NELL2: variants seen among roughly 807,000 people sequenced by gnomAD.
The protein encoded by NELL2 is neural EGFL like 2, also known as protein kinase C-binding protein NELL2.
Under a neutral mutation model 109.6 loss-of-function variants are expected in NELL2, and 41 were observed. The ratio of observed to expected loss-of-function variants is 0.37; its 90% CI spans 0.29 to 0.49. The LOEUF is 0.49. Ranked by LOEUF, NELL2 falls within the 20% of genes least tolerant of loss-of-function variation. NELL2 has a pLI of 0.98. For synonymous variants in NELL2, 355 were observed against 344.7 expected, an observed-to-expected ratio of 1.03 and a Z score of -0.33; for missense variants, 900 against 1,008.3, an observed-to-expected ratio of 0.89 and a Z score of 1.45.
intron 12 of NELL2, 51 bp downstream of exon 12, chr12:44,703,675 G>A (rs752635258): frequency 1.2e-6 from 2 of 1,602,278 alleles, no homozygotes; most frequent in Non-Finnish European, 1.7e-6. Flanking sequence ...TTTGCATGCA[G>A]TAATCCTAGA....
intron 16 of NELL2, among the ~76,000 whole-genome samples, chr12:44,526,462 A>G (rs1941777920): frequency 6.6e-6 from 1 of 152,230 alleles, no homozygotes; most frequent in Admixed American, 6.5e-5. Context: ...AAAATGACAC[A>G]GCCACACAGC....
At chr12:44,864,378 A>G (rs1025490649) in intron 2 of NELL2, among the ~76,000 whole-genome samples, 1 of 152,186 alleles carries the variant, frequency 6.6e-6, no homozygotes, top group African/African-American at 2.4e-5. Context: ...AGGAATAAAA[A>G]AAAATTCCAT....
intron 13 of NELL2, among the ~76,000 whole-genome samples, chr12:44,630,826 G>C (rs1259470256): frequency 6.6e-6 from 1 of 152,082 alleles, no homozygotes; most frequent in African/African-American, 2.4e-5. Context: ...TTTGAGTGCT[G>C]TTAGATGGAA....
intron 2 of NELL2, chr12:44,874,925 A>T: frequency 1.2e-5 from 3 of 257,186 alleles, no homozygotes; most frequent in Non-Finnish European, 2.2e-5. Context: ...CGTTTGTGTT[A>T]TAATTCATTG....
At position 44,517,371 on chromosome 12, in the gene NELL2, T is replaced by TTCTC. The variant is rs71093810; in HGVS notation, c.2400+2630_2400+2633dup. ...GTCTGGTACCTACCCACCAACTACT[T>TTCTC]TCTCTCTCTCTCTCTCTCTCTCTCT... On this transcript the variant is annotated intron_variant, in intron 19 of 19. Transcript: ENST00000429094. Among the ~76,000 whole-genome samples the TTCTC allele has an allele frequency of 1.1e-3, 110 of 102,492 alleles. 2 individuals carry two copies. The highest frequency in any genetic ancestry group is 1.6e-3 in the East Asian group (5 of 3,132). 67.2% of individuals were successfully genotyped at this position (102,492 alleles called of 152,430 possible). A position where few individuals can be genotyped will look rare whatever the true frequency, so the allele number is the denominator to read the frequency against.
chr12:44,521,309 T>A (rs1423378698), intron 18 of NELL2, among the ~76,000 whole-genome samples: 2 of 152,162 alleles, frequency 1.3e-5, no homozygotes, highest in East Asian at 3.9e-4. Context: ...GGCGGGCGGA[T>A]CACGAGGTCA....
chr12:44,791,090 T>C lies in NELL2; in HGVS notation c.336-11068A>G, dbSNP rs7966126. Reference sequence around the variant, plus strand: ...GTATATATATATATATACATATATATATATATGTATATATATATGTATATA... The same window carrying C: ...GTATATATATATATATACATATATACATATATGTATATATATATGTATATA... On this transcript the variant is annotated intron_variant, in intron 3 of 19. Coordinates refer to ENST00000429094, the MANE Select transcript of NELL2 (RefSeq NM_001145108.2). Among the ~76,000 whole-genome samples the C allele has an allele frequency of 9.2e-3, 109 of 11,842 alleles. 1 individual carries two copies. Among genetic ancestry groups the C allele is most frequent in the East Asian group, 0.041 (6 of 148 alleles). The allele number at this position is 11,842 out of a possible 152,430, so 7.8% of individuals were successfully genotyped here.
In NELL2 at chr12:44,779,443, T is replaced by C. The variant is rs141809545; in HGVS notation, c.606+220A>G. Among the ~76,000 whole-genome samples, 14 of 152,322 alleles carry C rather than the reference T, an allele frequency of 9.2e-5. No homozygotes were observed. The East Asian group carries it at 2.7e-3, about 29-fold the overall frequency. On this transcript the variant is annotated intron_variant, in intron 5 of 19. Coordinates refer to ENST00000429094, the MANE Select transcript of NELL2 (RefSeq NM_001145108.2). ...GTTAACTGCCCTGATTGCAGCCTTG[T>C]GATCATTTCTGTAATATCTAACAAT...
At chr12:44,648,943 T>TGTGTGTGTGTGTG (rs1292852759) in intron 13 of NELL2, among the ~76,000 whole-genome samples, 179 of 147,632 alleles carry the variant, frequency 1.2e-3, no homozygotes, top group South Asian at 3.2e-3. Flanking sequence ...TGTGTGTGTG[T>TGTGTGTGTGTGTG]TTAGTAGAGA....
chr12:44,878,789 C>T (rs1004137528), upstream of NELL2, among the ~76,000 whole-genome samples: 1 of 152,182 alleles, frequency 6.6e-6, no homozygotes, highest in African/African-American at 2.4e-5. Context: ...TCTACATACA[C>T]TCAAACTCCT....
intron 15 of NELL2, among the ~76,000 whole-genome samples, chr12:44,577,654 T>G (rs1225758216): frequency 6.6e-6 from 1 of 151,508 alleles, no homozygotes. Flanking sequence ...TTTTTTGTAT[T>G]TTTTTAGTAG....
In NELL2 at chr12:44,530,628, T is replaced by C. The variant is rs186927918; in HGVS notation, c.1804+1953A>G. On this transcript the variant is annotated intron_variant, in intron 16 of 19. Coordinates refer to ENST00000429094, the MANE Select transcript of NELL2 (RefSeq NM_001145108.2). The stretch of plus-strand genomic sequence containing the variant: ...ATCTGACATGAGGTTATAAAAAGAC[T>C]ATGGCTCCGATATTCGGCATCTGCT... Among the ~76,000 whole-genome samples the C allele has an allele frequency of 1.8e-3, 279 of 152,312 alleles. 3 individuals are homozygous for C. Among genetic ancestry groups the C allele is most frequent in the Non-Finnish European group, 2.0e-3 (137 of 68,018 alleles).
At chr12:44,509,190 G>T (rs1940866243) in intron 19 of NELL2, among the ~76,000 whole-genome samples, 2 of 151,960 alleles carry the variant, frequency 1.3e-5, no homozygotes. Flanking sequence ...TCATAAACTG[G>T]CTTTATTTAC....
chr12:44,517,371 TTC>T (rs71093810), intron 19 of NELL2, among the ~76,000 whole-genome samples: 12,759 of 102,044 alleles, frequency 0.13, 964 homozygotes, highest in Non-Finnish European at 0.16. Context: ...ACCAACTACT[TTC>T]TCTCTCTCTC....
At chr12:44,656,777 C>T (rs1434388304) in intron 13 of NELL2, among the ~76,000 whole-genome samples, 1 of 152,150 alleles carries the variant, frequency 6.6e-6, no homozygotes, top group Non-Finnish European at 1.5e-5. Flanking sequence ...TATTATGGTA[C>T]ATGCACACAC....
At chr12:44,875,140 C>A in intron 2 of NELL2, 85 bp downstream of exon 2, 2 of 1,522,242 alleles carry the variant, frequency 1.3e-6, no homozygotes, top group Non-Finnish European at 1.8e-6. Context: ...TGAGGCAATA[C>A]AAAGTTAGGA....
intron 19 of NELL2, 53 bp downstream of exon 19, chr12:44,519,950 TGA>T: frequency 6.8e-7 from 1 of 1,468,820 alleles, no homozygotes; most frequent in Non-Finnish European, 9.5e-7. Context: ...TTATTATCTA[TGA>T]GCCCTGGGTG....
intron 15 of NELL2, among the ~76,000 whole-genome samples, chr12:44,598,883 A>ACACACACACACACACACACT (rs1265603008): frequency 2.6e-4 from 37 of 144,038 alleles, no homozygotes; most frequent in South Asian, 4.4e-4. Context: ...ACACACACAC[A>ACACACACACACACACACACT]CTCTCTCTCT....
chr12:44,876,281 C>T lies in NELL2; in HGVS notation c.-412G>A, dbSNP rs1417860884. 1.7e-6 allele frequency: 2 copies of T among 1,158,476 alleles called. No homozygotes were observed. Among genetic ancestry groups the T allele is most frequent in the South Asian group, 3.0e-5 (1 of 33,328 alleles). 71.8% of individuals were successfully genotyped at this position (1,158,476 alleles called of 1,614,324 possible). ...GCGGCCCCGCACCCCCCCGTCTTCC[C>T]CGCCGCCCGAACCTGTTGTAAAGGC... On this transcript the variant is annotated 5_prime_UTR_variant, in exon 1 of 20. Transcript: ENST00000429094.
Sources: allele counts gnomAD v4.1 joint callset (sites outside exome capture counted in the v4.1 genomes callset), GRCh38; gene constraint gnomAD v4.1.1; transcripts MANE v1.5; gene names NCBI Gene and HGNC (gene_info 2026-07-23, HGNC 2026-07-21).